The following THSD7B variants were observed in gnomAD, a reference collection of about 807,000 sequenced individuals.
The protein encoded by THSD7B is thrombospondin type 1 domain containing 7B.
In THSD7B, 138 loss-of-function variants were observed where a neutral mutation model predicts 213.6. The observed-to-expected ratio is 0.65, with a 90% CI of 0.56 to 0.74. The LOEUF is 0.74. Ranked by LOEUF, THSD7B falls within the 30% of genes least tolerant of loss-of-function variation. The pLI is 0.00. For synonymous variants in THSD7B, 742 were observed against 687.0 expected (o/e 1.08, Z -1.25); for missense variants, 1,931 against 1,991.5 (o/e 0.97, Z 0.58).
At position 137,360,495 on chromosome 2, in the gene THSD7B, C is replaced by T. The variant is rs182113857; in HGVS notation, c.2501-45118C>T. ...CCATGACAGACTGTACCAGGAAAATCGGGACACTGCCACCTAAATACTGCA... is the reference window on the plus strand; with the variant it reads ...CCATGACAGACTGTACCAGGAAAATTGGGACACTGCCACCTAAATACTGCA... On this transcript the variant is annotated intron_variant, in intron 12 of 27. Coordinates refer to ENST00000409968, the MANE Select transcript of THSD7B (RefSeq NM_001316349.2). 1.4e-4 allele frequency among the ~76,000 whole-genome samples: 21 copies of T among 152,194 alleles called. 1 individual carries two copies. Among genetic ancestry groups the T allele is most frequent in the Admixed American group, 7.8e-4 (12 of 15,296 alleles).
chr2:136,852,514 A>C (rs1683115218), intron 1 of THSD7B, among the ~76,000 whole-genome samples: 1 of 152,166 alleles, frequency 6.6e-6, no homozygotes, highest in Admixed American at 6.5e-5. Flanking sequence ...GAGAAGAGGC[A>C]CTGGTTGAGC....
chr2:137,327,177 C>T (rs1020639960), intron 12 of THSD7B, among the ~76,000 whole-genome samples: 2 of 152,158 alleles, frequency 1.3e-5, no homozygotes, highest in Non-Finnish European at 2.9e-5. Context: ...AAAGCGCAAG[C>T]CTGTTTTAGA....
rs188454819 is a variant in THSD7B, at chr2:137,004,408, T to C, written c.140-52012T>C. ...ACTACAGCTATTCTTTTTACAAAAT[T>C]ACATTAGTTCTTCTTATGGAAACAA... is the stretch of plus-strand genomic sequence containing the variant. On this transcript the variant is annotated intron_variant, in intron 2 of 27. Transcript: ENST00000409968. 8.0e-4 allele frequency among the ~76,000 whole-genome samples: 121 copies of C among 152,050 alleles called. 2 individuals are homozygous for C. The highest frequency in any genetic ancestry group is 2.9e-3 in the African/African-American group (121 of 41,516).
At chr2:137,385,394 G>T (rs1685872285) in intron 12 of THSD7B, among the ~76,000 whole-genome samples, 1 of 152,278 alleles carries the variant, frequency 6.6e-6, no homozygotes, top group Non-Finnish European at 1.5e-5. Flanking sequence ...TGGCCTTCTT[G>T]CTATGCTTCA....
intron 2 of THSD7B, among the ~76,000 whole-genome samples, chr2:136,905,420 A>G (rs1432166380): frequency 6.6e-6 from 1 of 152,234 alleles, no homozygotes; most frequent in Non-Finnish European, 1.5e-5. Context: ...AAGCATTATG[A>G]GAAGACGAAG....
At chr2:137,036,555 A>G (rs1686779592) in intron 2 of THSD7B, among the ~76,000 whole-genome samples, 1 of 152,174 alleles carries the variant, frequency 6.6e-6, no homozygotes, top group Non-Finnish European at 1.5e-5. Context: ...ATATAAAAAG[A>G]CATACCTGTT....
chr2:137,509,061 AT>A (rs1679903338), intron 15 of THSD7B, among the ~76,000 whole-genome samples: 2 of 152,120 alleles, frequency 1.3e-5, no homozygotes, highest in Non-Finnish European at 2.9e-5. Flanking sequence ...CCAGTGAATC[AT>A]TCTCCCTGGC....
chr2:137,287,942 TTA>T (rs756502287), intron 12 of THSD7B, among the ~76,000 whole-genome samples: 1 of 152,132 alleles, frequency 6.6e-6, no homozygotes, highest in African/African-American at 2.4e-5. Context: ...TGTAATAAGA[TTA>T]TATGTCTCTT....
rs2104828627 is a variant in THSD7B, at chr2:137,005,189, G to A, written c.140-51231G>A. ...GTTGTCAGGCTTTTTCAATGAAAATGTGATTTCAGTGCTCAGCCAACTTGT... is the reference window on the plus strand; with the variant it reads ...GTTGTCAGGCTTTTTCAATGAAAATATGATTTCAGTGCTCAGCCAACTTGT... On this transcript the variant is annotated intron_variant, in intron 2 of 27. Coordinates refer to ENST00000409968, the MANE Select transcript of THSD7B (RefSeq NM_001316349.2). Among the ~76,000 whole-genome samples the A allele has an allele frequency of 2.6e-5, 4 of 152,254 alleles. 1 individual carries two copies. The Middle Eastern group carries it at 0.014, about 518-fold the overall frequency.
intron 5 of THSD7B, among the ~76,000 whole-genome samples, chr2:137,122,646 T>G (rs948177468): frequency 6.6e-6 from 1 of 152,160 alleles, no homozygotes; most frequent in African/African-American, 2.4e-5. Flanking sequence ...TGGTAATACC[T>G]GAACTGTTAA....
chr2:137,049,386 G>A (rs1027409413), intron 2 of THSD7B, among the ~76,000 whole-genome samples: 1 of 152,206 alleles, frequency 6.6e-6, no homozygotes, highest in African/African-American at 2.4e-5. Context: ...TTTAGAATAA[G>A]ATAGAACTGG....
intron 10 of THSD7B, among the ~76,000 whole-genome samples, chr2:137,253,494 A>G (rs1346680161): frequency 1.3e-5 from 2 of 152,182 alleles, no homozygotes; most frequent in Non-Finnish European, 2.9e-5. Flanking sequence ...ATTGGTGGCA[A>G]AAATCTGTGT....
chr2:137,123,819 C>T lies in THSD7B; in HGVS notation c.1369+8526C>T, dbSNP rs550030981. On this transcript the variant is annotated intron_variant, in intron 5 of 27. Coordinates refer to ENST00000409968, the MANE Select transcript of THSD7B (RefSeq NM_001316349.2). ...TCTTCCTCTTCTTTTATGTATTTCT[C>T]TTTCTCATCACCCAATATTTCTGTT... is the stretch of plus-strand genomic sequence containing the variant. 6.6e-5 allele frequency among the ~76,000 whole-genome samples: 10 copies of T among 152,160 alleles called. No homozygotes were observed. The South Asian group carries it at 1.9e-3, about 28-fold the overall frequency.
intron 3 of THSD7B, among the ~76,000 whole-genome samples, chr2:137,073,464 T>C (rs1553468826): frequency 6.6e-6 from 1 of 152,214 alleles, no homozygotes; most frequent in Non-Finnish European, 1.5e-5. Context: ...ATTGCATCTA[T>C]TTGATTCTTC....
At chr2:137,667,661 C>A in intron 26 of THSD7B, 113 bp from the exon 27 acceptor site, 2 of 785,068 alleles carry the variant, frequency 2.5e-6, no homozygotes, top group Middle Eastern at 2.3e-4. Flanking sequence ...TGCTGCTGTT[C>A]AAGTACAGAA....
chr2:137,332,798 G>A (rs1684545321), intron 12 of THSD7B, among the ~76,000 whole-genome samples: 1 of 152,170 alleles, frequency 6.6e-6, no homozygotes, highest in African/African-American at 2.4e-5. Flanking sequence ...CCTTCGCTCA[G>A]CTCTGTCATT....
At chr2:136,897,112 C>T (rs1573696456) in intron 2 of THSD7B, among the ~76,000 whole-genome samples, 2 of 151,858 alleles carry the variant, frequency 1.3e-5, no homozygotes, top group Admixed American at 1.3e-4. Flanking sequence ...TGCCTGGCTA[C>T]TTATTTTTAA....
chr2:137,398,080 C>G (rs1239288233), intron 12 of THSD7B, among the ~76,000 whole-genome samples: 101 of 124,208 alleles, frequency 8.1e-4, no homozygotes, highest in Admixed American at 6.8e-4. Context: ...AAATTTTTTT[C>G]AAAGTTTTCA....
intron 15 of THSD7B, among the ~76,000 whole-genome samples, chr2:137,530,995 A>G (rs1026203990): frequency 1.3e-5 from 2 of 151,990 alleles, no homozygotes; most frequent in Admixed American, 6.6e-5. Flanking sequence ...TTTGGGATGC[A>G]TTTTCTGTCA....
Sources: allele counts gnomAD v4.1 joint callset (sites outside exome capture counted in the v4.1 genomes callset), GRCh38; gene constraint gnomAD v4.1.1; transcripts MANE v1.5; gene names NCBI Gene and HGNC (gene_info 2026-07-23, HGNC 2026-07-21).